CDK13: variants seen among roughly 807,000 people sequenced by gnomAD.
CDK13 encodes the protein cyclin dependent kinase 13, also known as cyclin-dependent kinase 13.
In CDK13, 40 loss-of-function variants were observed where a neutral mutation model predicts 137.6. The observed-to-expected ratio is 0.29, with a 90% CI of 0.23 to 0.38. The LOEUF (loss-of-function observed/expected upper bound fraction) is 0.38, where lower values mean the gene tolerates loss of function less well. Ranked by LOEUF, CDK13 falls within the 10% of genes least tolerant of loss-of-function variation. CDK13 has a pLI of 1.00. For missense variants in CDK13, 1,704 were observed against 1,951.8 expected, an observed-to-expected ratio of 0.87 and a Z score of 2.39; for synonymous variants, 869 against 760.1, an observed-to-expected ratio of 1.14 and a Z score of -2.36.
At chr7:39,953,957 A>T (rs186301551) in intron 1 of CDK13, among the ~76,000 whole-genome samples, 1 of 152,326 alleles carries the variant, frequency 6.6e-6, no homozygotes, top group Admixed American at 6.5e-5. Context: ...GGATTATTTC[A>T]AGGATTAAGT....
At chr7:40,001,334 T>C (rs1272445809) in intron 4 of CDK13, among the ~76,000 whole-genome samples, 1 of 151,922 alleles carries the variant, frequency 6.6e-6, no homozygotes, top group African/African-American at 2.4e-5. Flanking sequence ...TTCAAGTGAT[T>C]CTCCTGCCTC....
rs753818270 is a variant in CDK13, at chr7:40,094,558, G to C, written c.4117G>C (p.Asp1373His). ...ACGACGTAGTTTCATTGGAAATTCA[G>C]ATATTCAGTCTTTGGATAACTACAG... Reference protein sequence around the residue: ...LERRSFIGNSDIQSLDNYSTA... With the variant: ...LERRSFIGNSHIQSLDNYSTA... The change falls in exon 14 of 14, where the codon GAT (aspartate) becomes CAT (histidine). Residue 1373 changes from aspartate (D) to histidine (H), a missense_variant. Asp to His is a moderately conservative substitution (Grantham distance 81). Around this residue, in one of 5 missense-constraint regions of CDK13, gnomAD observed 475 missense variants for 579.3 expected, o/e 0.82. Coordinates refer to ENST00000181839, the MANE Select transcript of CDK13 (RefSeq NM_003718.5). 2 of 1,611,628 alleles carry C rather than the reference G, an allele frequency of 1.2e-6. No homozygotes were observed. The highest frequency in any genetic ancestry group is 2.2e-5 in the East Asian group (1 of 44,858).
intron 11 of CDK13, among the ~76,000 whole-genome samples, chr7:40,084,846 A>G (rs1786749219): frequency 6.6e-6 from 1 of 152,214 alleles, no homozygotes. Flanking sequence ...GACAAGGAAA[A>G]TGAGGCACAG....
intron 5 of CDK13, among the ~76,000 whole-genome samples, chr7:40,019,284 T>C (rs1785065416): frequency 6.6e-6 from 1 of 152,234 alleles, no homozygotes; most frequent in African/African-American, 2.4e-5. Flanking sequence ...TTATTGTCAC[T>C]TAACACATCG....
At chr7:40,013,230 A>G (rs368413764) in intron 5 of CDK13, among the ~76,000 whole-genome samples, 233 of 152,292 alleles carry the variant, frequency 1.5e-3, no homozygotes, top group African/African-American at 5.5e-3. Context: ...GACAGAAAGT[A>G]GAATGATGGT....
At chr7:39,979,224 T>TC (rs1784173787) in intron 1 of CDK13, among the ~76,000 whole-genome samples, 1 of 150,174 alleles carries the variant, frequency 6.7e-6, no homozygotes, top group Non-Finnish European at 1.5e-5. Context: ...TTCTTTTTTT[T>TC]TTTTTTTTGA....
chr7:39,963,860 T>C (rs1783807559), intron 1 of CDK13, among the ~76,000 whole-genome samples: 1 of 152,252 alleles, frequency 6.6e-6, no homozygotes, highest in South Asian at 2.1e-4. Flanking sequence ...AGGCCTTTTC[T>C]GCATCTATTG....
chr7:40,024,678 T>TTTATTC (rs1356189748), intron 5 of CDK13, among the ~76,000 whole-genome samples: 1 of 93,066 alleles, frequency 1.1e-5, no homozygotes, highest in Non-Finnish European at 2.1e-5. Flanking sequence ...TTTTTTTTTT[T>TTTATTC]CCTGAGACAG....
intron 2 of CDK13, among the ~76,000 whole-genome samples, chr7:39,992,163 G>GGTGTGTGT (rs140203379): frequency 0.017 from 2,439 of 146,342 alleles, 32 homozygotes; most frequent in Non-Finnish European, 0.021. Flanking sequence ...AACTAATGAG[G>GGTGTGTGT]GTGTGTGTGT....
chr7:40,041,090 C>T (rs1420790970), intron 5 of CDK13, among the ~76,000 whole-genome samples: 1 of 152,152 alleles, frequency 6.6e-6, no homozygotes, highest in Admixed American at 6.6e-5. Context: ...CTTTGAGGGG[C>T]TGAGGTGGGT....
At chr7:40,090,271 T>C (rs1786892808) in intron 12 of CDK13, among the ~76,000 whole-genome samples, 1 of 152,228 alleles carries the variant, frequency 6.6e-6, no homozygotes, top group Non-Finnish European at 1.5e-5. Context: ...GATTTGCCCT[T>C]TCTGGGCTCA....
intron 5 of CDK13, among the ~76,000 whole-genome samples, chr7:40,045,235 T>C (rs1052266203): frequency 1.3e-5 from 2 of 152,166 alleles, no homozygotes; most frequent in Non-Finnish European, 2.9e-5. Context: ...GTATAGTTTG[T>C]GTGTGTGTGC....
At position 40,002,051 on chromosome 7, in the gene CDK13, T is replaced by C; in HGVS notation, c.2353+20T>C. ...ACAAAGGTATGTGTGCATATTTAAA[T>C]AACGAATTTTTTGTATTCATGATTG... On this transcript the variant is annotated intron_variant, in intron 5 of 13. Coordinates refer to ENST00000181839, the MANE Select transcript of CDK13 (RefSeq NM_003718.5). The C allele has an allele frequency of 6.5e-7, 1 of 1,543,030 alleles. No homozygotes were observed. Among genetic ancestry groups the C allele is most frequent in the Non-Finnish European group, 8.7e-7 (1 of 1,147,230 alleles).
chr7:40,071,520 C>T (rs1367215314), intron 9 of CDK13: 4 of 152,106 alleles, frequency 2.6e-5, no homozygotes, highest in Non-Finnish European at 2.9e-5. Context: ...AATGTGTAAT[C>T]TGAAACCATA....
At chr7:40,043,283 G>C (rs1322060922) in intron 5 of CDK13, among the ~76,000 whole-genome samples, 1 of 152,032 alleles carries the variant, frequency 6.6e-6, no homozygotes, top group Non-Finnish European at 1.5e-5. Flanking sequence ...ATAATTATTA[G>C]ATATATAACT....
rs566044968 is a variant in CDK13 at position 40,038,762 on chromosome 7, C to A, written c.2354-7074C>A. Among the ~76,000 whole-genome samples the A allele has an allele frequency of 2.0e-5, 3 of 151,968 alleles. No homozygotes were observed. In the South Asian group the frequency reaches 6.3e-4, roughly 32 times the overall value. ...CCAGGCTGGAGTGCAATGGCATGAT[C>A]TTGGCTTACCGCAGCCTCTGCCTCC... On this transcript the variant is annotated intron_variant, in intron 5 of 13. Transcript: ENST00000181839.
chr7:39,957,090 C>CGTGTGTGTGTGTGTGT (rs70996865), intron 1 of CDK13, among the ~76,000 whole-genome samples: 11 of 140,934 alleles, frequency 7.8e-5, no homozygotes, highest in African/African-American at 2.7e-4. Flanking sequence ...ATCCCACTGT[C>CGTGTGTGTGTGTGTGT]GTGTGTGTGT....
At chr7:39,998,863 T>C (rs1397116751) in intron 3 of CDK13, 1 of 152,158 alleles carries the variant, frequency 6.6e-6, no homozygotes, top group African/African-American at 2.4e-5. Flanking sequence ...TCTTTTTTTT[T>C]TGATGTTTTT....
chr7:40,053,190 C>A (rs1785932572), intron 7 of CDK13, among the ~76,000 whole-genome samples: 2 of 152,080 alleles, frequency 1.3e-5, no homozygotes, highest in South Asian at 2.1e-4. Context: ...TGAATACTTA[C>A]AAAACTGAAT....
Sources: gnomAD v4.1 joint callset for allele counts (sites outside exome capture counted in the v4.1 genomes callset) on GRCh38, gnomAD v4.1.1 for gene constraint, gnomAD v4.1.1 regional missense constraint, MANE v1.5 for transcripts, NCBI Gene and HGNC (gene_info 2026-07-23, HGNC 2026-07-21) for gene names.